SP8: variants seen among roughly 807,000 people sequenced by gnomAD.
SP8 encodes Sp8 transcription factor.
SP8 carries 7 observed loss-of-function variants against 15.3 expected under a neutral mutation model. The observed-to-expected ratio is 0.46, with a 90% CI of 0.26 to 0.86. The LOEUF (loss-of-function observed/expected upper bound fraction) is 0.86. Among genes scored for constraint, SP8 ranks in the 40% least tolerant of loss-of-function variants. The pLI is 0.16. For missense variants in SP8, 731 were observed against 736.4 expected (o/e 0.99, Z 0.09); for synonymous variants, 415 against 356.3 (o/e 1.16, Z -1.86).
rs1050260212 is a variant in SP8 at position 20,786,442 on chromosome 7, C to T, written c.21+336G>A. On this transcript the variant is annotated intron_variant, in intron 1 of 1. Transcript: ENST00000418710. The surrounding 1 kb of genome is among the most constrained non-coding windows in gnomAD (Gnocchi z 4.4). ...TTTTAAGGGTTAGGGGAAGAATCTG[C>T]ACTTTGCCCAGAAGGAAAAACTTGC... 6.6e-5 allele frequency among the ~76,000 whole-genome samples: 10 copies of T among 152,068 alleles called. No individual in the cohort carries two copies. The highest frequency in any genetic ancestry group is 6.5e-4 in the Admixed American group (10 of 15,280).
Position 20,784,448 on chromosome 7 carries a change from T to G in SP8, c.1369A>C (p.Ser457Arg). 1 of 1,541,866 alleles carries G rather than the reference T, an allele frequency of 6.5e-7. No individual in the cohort carries two copies. Among genetic ancestry groups the G allele is most frequent in the Non-Finnish European group, 8.7e-7 (1 of 1,145,406 alleles). The part of the protein sequence containing the change: ...DHLSKHVKTH[S>R]GGGGGGGSAG... ...GAGCCGCCGCCGCCGCCGCCGCCAC[T>G]GTGCGTCTTCACGTGCTTGCTGAGG... Residue 457 changes from serine (S) to arginine (R), a missense_variant, in exon 2 of 2, where the codon AGT becomes CGT. Ser to Arg is a moderately radical substitution (Grantham distance 110). Coordinates refer to ENST00000418710, the MANE Select transcript of SP8 (RefSeq NM_182700.6).
At position 20,784,319 on chromosome 7, in the gene SP8, C is replaced by CG. The variant is rs1372781486; in HGVS notation, c.1497dup (p.Glu500ArgfsTer66). 4 of 1,499,884 alleles carry CG rather than the reference C, an allele frequency of 2.7e-6. No homozygotes were observed. Among genetic ancestry groups the CG allele is most frequent in the Non-Finnish European group, 3.5e-6 (4 of 1,131,906 alleles). 92.9% of individuals were successfully genotyped at this position (1,499,884 alleles called of 1,614,324 possible). A position where few individuals can be genotyped will look rare whatever the true frequency, so the allele number is the denominator to read the frequency against. Reference sequence around the variant, plus strand: ...TCTAGGCCGTTGCGGTGCCCGGGCTCGGGGGGCTGCAGCAGCTCTGGGGAG... The same window carrying CG: ...TCTAGGCCGTTGCGGTGCCCGGGCTCGGGGGGGCTGCAGCAGCTCTGGGGAG... On this transcript the variant is annotated frameshift_variant, in exon 2 of 2. Coordinates refer to ENST00000418710, the MANE Select transcript of SP8 (RefSeq NM_182700.6). LOFTEE classifies it high-confidence loss of function.
chr7:20,785,474 C>T lies in SP8; in HGVS notation c.343G>A (p.Ala115Thr). 4.0e-6 allele frequency: 5 copies of T among 1,244,062 alleles called. No homozygotes were observed. The highest frequency in any genetic ancestry group is 5.1e-6 in the Non-Finnish European group (5 of 984,778). 77.1% of individuals were successfully genotyped at this position (1,244,062 alleles called of 1,614,324 possible). A position where few individuals can be genotyped will look rare whatever the true frequency, so the allele number is the denominator to read the frequency against. The change falls in exon 2 of 2, where the codon GCC becomes ACC. Residue 115 changes from alanine (A) to threonine (T), a missense_variant. Physicochemically the swap from Ala to Thr is moderately conservative, Grantham distance 58 (BLOSUM62 0). Coordinates refer to ENST00000418710, the MANE Select transcript of SP8 (RefSeq NM_182700.6). The surrounding 1 kb of genome is among the most constrained non-coding windows in gnomAD (Gnocchi z 7.2). ...GCGCTGCTGGAGGTGAGGGAGAAGGCGCTGGAGCCAGGCGAGCCGCCGCAG... is the reference window on the plus strand; with the variant it reads ...GCGCTGCTGGAGGTGAGGGAGAAGGTGCTGGAGCCAGGCGAGCCGCCGCAG... Reference protein sequence around the residue: ...FSCGGSPGSSAFSLTSSSAAA... With the variant: ...FSCGGSPGSSTFSLTSSSAAA...
At position 20,786,155 on chromosome 7, in the gene SP8, T is replaced by C; in HGVS notation, c.22-360A>G. 4.2e-6 allele frequency: 2 copies of C among 476,930 alleles called. No homozygotes were observed. Among genetic ancestry groups the C allele is most frequent in the Non-Finnish European group, 5.7e-6 (2 of 349,750 alleles). 29.5% of individuals were successfully genotyped at this position (476,930 alleles called of 1,614,324 possible). A position where few individuals can be genotyped will look rare whatever the true frequency, so the allele number is the denominator to read the frequency against. On this transcript the variant is annotated intron_variant, in intron 1 of 1. Transcript: ENST00000418710. The surrounding 1 kb of genome is among the most constrained non-coding windows in gnomAD (Gnocchi z 4.4). ...AAGTCCAGATTGGAGAGGAAGGAAG[T>C]TTTCTTTGCCGAGAAGCCTGGGGGA...
In SP8 at chr7:20,785,052, G is replaced by A. The variant is rs1471070775; in HGVS notation, c.765C>T (p.Ala255=). The A allele has an allele frequency of 3.2e-6, 5 of 1,578,328 alleles. No individual in the cohort carries two copies. The highest frequency in any genetic ancestry group is 4.3e-6 in the Non-Finnish European group (5 of 1,167,392). ...AGTGCAGCGAGGTTTGGAGCCCCCCGGCGGCAGGGTGCAGCGAGCCGGGCA... is the reference window on the plus strand; with the variant it reads ...AGTGCAGCGAGGTTTGGAGCCCCCCAGCGGCAGGGTGCAGCGAGCCGGGCA... ...AALPGSLHPA[A]GGLQTSLHSP... The change falls in exon 2 of 2, where the codon GCC becomes GCT. Residue 255 remains alanine (A), a synonymous_variant. Coordinates refer to ENST00000418710, the MANE Select transcript of SP8 (RefSeq NM_182700.6). This position sits in a 1 kb window ranked among gnomAD's most constrained non-coding sequence, Gnocchi z 7.2.
At position 20,786,617 on chromosome 7, in the gene SP8, C is replaced by A. The variant is rs1468304498; in HGVS notation, c.21+161G>T. ...AAAGTGACTCTGCCCCCTTCTCCCC[C>A]TTTTTCTTTTCTCCAAACTCACTTG... On this transcript the variant is annotated intron_variant, in intron 1 of 1. Transcript: ENST00000418710. This position sits in a 1 kb window ranked among gnomAD's most constrained non-coding sequence, Gnocchi z 4.4. 6.6e-6 allele frequency among the ~76,000 whole-genome samples: 1 copy of A among 151,766 alleles called. No individual in the cohort carries two copies. The highest frequency in any genetic ancestry group is 2.4e-5 in the African/African-American group (1 of 41,264).
Position 20,785,427 on chromosome 7 carries a change from G to A in SP8, c.390C>T (p.Ala130=), listed in dbSNP as rs1411137992. The A allele has an allele frequency of 3.8e-6, 4 of 1,047,442 alleles. No homozygotes were observed. The highest frequency in any genetic ancestry group is 3.5e-6 in the Non-Finnish European group (3 of 849,618). 64.9% of individuals were successfully genotyped at this position (1,047,442 alleles called of 1,614,324 possible). A position where few individuals can be genotyped will look rare whatever the true frequency, so the allele number is the denominator to read the frequency against. ...AGGGCGAGCTGGAGGCGGCGGCTGCGGCGGCGGCGGCGGCGGCTGCGGCGC... is the reference window on the plus strand; with the variant it reads ...AGGGCGAGCTGGAGGCGGCGGCTGCAGCGGCGGCGGCGGCGGCTGCGGCGC... The part of the protein sequence containing the change: ...SSSAAAAAAA[A]AAAASSSPFA... Residue 130 remains alanine (A), a synonymous_variant, in exon 2 of 2, where the codon GCC becomes GCT. Coordinates refer to ENST00000418710, the MANE Select transcript of SP8 (RefSeq NM_182700.6). This position sits in a 1 kb window ranked among gnomAD's most constrained non-coding sequence, Gnocchi z 7.2.
In SP8 at chr7:20,786,871, A is replaced by T; in HGVS notation, c.-73T>A. On this transcript the variant is annotated 5_prime_UTR_variant, in exon 1 of 2. Coordinates refer to ENST00000418710, the MANE Select transcript of SP8 (RefSeq NM_182700.6). This position sits in a 1 kb window ranked among gnomAD's most constrained non-coding sequence, Gnocchi z 4.4. The stretch of plus-strand genomic sequence containing the variant: ...AAATCAGAGGCAGTGTTTTTTTTAG[A>T]GGTGTGCAATACAATGATCAGTTCC... The T allele has an allele frequency of 8.1e-7, 1 of 1,235,832 alleles. No individual in the cohort carries two copies. Among genetic ancestry groups the T allele is most frequent in the Non-Finnish European group, 1.2e-6 (1 of 834,382 alleles). 76.6% of individuals were successfully genotyped at this position (1,235,832 alleles called of 1,614,324 possible). A position where few individuals can be genotyped will look rare whatever the true frequency, so the allele number is the denominator to read the frequency against.
rs1311260835 is a variant in SP8, at chr7:20,783,883, C to G, written c.*407G>C. The G allele has an allele frequency of 5.8e-6, 1 of 173,514 alleles. No homozygotes were observed. The highest frequency in any genetic ancestry group is 2.4e-5 in the African/African-American group (1 of 42,114). 10.7% of individuals were successfully genotyped at this position (173,514 alleles called of 1,614,324 possible). A position where few individuals can be genotyped will look rare whatever the true frequency, so the allele number is the denominator to read the frequency against. ...CCGAGCCGCTCCTGCCCGCGCGAGG[C>G]CCGCTGTCTACCAGGCACTGGATTA... On this transcript the variant is annotated 3_prime_UTR_variant, in exon 2 of 2. Coordinates refer to ENST00000418710, the MANE Select transcript of SP8 (RefSeq NM_182700.6).
In SP8 at chr7:20,786,677, G is replaced by C; in HGVS notation, c.21+101C>G. The C allele has an allele frequency of 1.1e-6, 1 of 943,444 alleles. No homozygotes were observed. The allele number at this position is 943,444 out of a possible 1,614,324, so 58.4% of individuals were successfully genotyped here. On this transcript the variant is annotated intron_variant, in intron 1 of 1. Coordinates refer to ENST00000418710, the MANE Select transcript of SP8 (RefSeq NM_182700.6). This position sits in a 1 kb window ranked among gnomAD's most constrained non-coding sequence, Gnocchi z 4.4. ...AAAAAAAAAAAAAGCTCTCAATAGA[G>C]AGACTGATAGCCCGTGGCCTGGCCG... is the stretch of plus-strand genomic sequence containing the variant.
rs1360304654 is a variant in SP8 at position 20,784,347 on chromosome 7, G to A, written c.1470C>T (p.Cys490=). The A allele has an allele frequency of 2.0e-6, 3 of 1,519,694 alleles. No homozygotes were observed. In the East Asian group the frequency reaches 7.6e-5, roughly 39 times the overall value. 94.1% of individuals were successfully genotyped at this position (1,519,694 alleles called of 1,614,324 possible). ...SEHSAAGSPP[C]HSPELLQPPE... ...GGGGCTGCAGCAGCTCTGGGGAGTG[G>A]CAGGGCGGGCTGCCCGCGGCGCTGT... Residue 490 remains cysteine (C), a synonymous_variant, in exon 2 of 2, where the codon TGC becomes TGT. Coordinates refer to ENST00000418710, the MANE Select transcript of SP8 (RefSeq NM_182700.6).
rs1209099800 is a variant in SP8, at chr7:20,785,009, T to C, written c.808A>G (p.Asn270Asp). Residue 270 changes from asparagine to aspartate, a missense_variant, in exon 2 of 2, where the codon AAC becomes GAC. Around this residue, in one of 3 missense-constraint regions of SP8, gnomAD observed 586 missense variants for 524.9 expected, o/e 1.12. Coordinates refer to ENST00000418710, the MANE Select transcript of SP8 (RefSeq NM_182700.6). This position sits in a 1 kb window ranked among gnomAD's most constrained non-coding sequence, Gnocchi z 7.2. Reference sequence around the variant, plus strand: ...TGACTCAGGCCCGAGTAATCCGAGTTGTAGCCTCCGAGCGGCGAGTGCAGC... The same window carrying C: ...TGACTCAGGCCCGAGTAATCCGAGTCGTAGCCTCCGAGCGGCGAGTGCAGC... ...TSLHSPLGGY[N>D]SDYSGLSHSA... is the part of the protein sequence containing the mutation. 1 of 1,575,062 alleles carries C rather than the reference T, an allele frequency of 6.3e-7. No individual in the cohort carries two copies.
Position 20,786,704 on chromosome 7 carries a change from G to A in SP8, c.21+74C>T. ...GACTGATAGCCCGTGGCCTGGCCGGGGCGACTTTAACCCCCTCCAATCGGC... is the reference window on the plus strand; with the variant it reads ...GACTGATAGCCCGTGGCCTGGCCGGAGCGACTTTAACCCCCTCCAATCGGC... On this transcript the variant is annotated intron_variant, in intron 1 of 1. Transcript: ENST00000418710. The surrounding 1 kb of genome is among the most constrained non-coding windows in gnomAD (Gnocchi z 4.4). 5 of 1,347,190 alleles carry A rather than the reference G, an allele frequency of 3.7e-6. No homozygotes were observed. The highest frequency in any genetic ancestry group is 5.3e-6 in the Non-Finnish European group (5 of 936,540). 83.5% of individuals were successfully genotyped at this position (1,347,190 alleles called of 1,614,324 possible).
rs760019156 is a variant in SP8, at chr7:20,784,770, G to A, written c.1047C>T (p.Thr349=). 9 of 1,559,208 alleles carry A rather than the reference G, an allele frequency of 5.8e-6. No homozygotes were observed. The African/African-American group carries it at 1.1e-4, about 19-fold the overall frequency. The change falls in exon 2 of 2, where the codon ACC becomes ACT. Residue 349 remains threonine (T), a synonymous_variant. Transcript: ENST00000418710. ...CCTCCTGGCAGTTGGGGCAGTCGCA[G>A]GTGGCGCGGCCGGAGTAGCGGCGAG... ...SSARRYSGRA[T]CDCPNCQEAE... is the part of the protein sequence containing the mutation.
rs1562607154 is a variant in SP8, at chr7:20,785,526, GGCAGCCGCGGCTGCTGCC to G, written c.273_290del (p.Ala94_Ala99del). ...TGAACGAGTCGGACACCAGGGCCGC[GGCAGCCGCGGCTGCTGCC>G]GCGGCCGCCGCAGCCGCCGAGGACG... On this transcript the variant is annotated inframe_deletion, in exon 2 of 2. Coordinates refer to ENST00000418710, the MANE Select transcript of SP8 (RefSeq NM_182700.6). The surrounding 1 kb of genome is among the most constrained non-coding windows in gnomAD (Gnocchi z 7.2). 7.0e-7 allele frequency: 1 copy of G among 1,423,764 alleles called. No homozygotes were observed. The allele number at this position is 1,423,764 out of a possible 1,614,324, so 88.2% of individuals were successfully genotyped here.
chr7:20,785,639 C>A lies in SP8; in HGVS notation c.178G>T (p.Ala60Ser). 1 of 1,611,514 alleles carries A rather than the reference C, an allele frequency of 6.2e-7. No individual in the cohort carries two copies. Among genetic ancestry groups the A allele is most frequent in the East Asian group, 2.2e-5 (1 of 44,620 alleles). ...CTGGAACCCACTACGTTGCAGCTGG[C>A]GGAAGAAGAGGACGAGGAGCGTTTC... ...PWKRSSSSSSASCNVVGSSLS... is the reference protein window; with the variant it reads ...PWKRSSSSSSSSCNVVGSSLS... Residue 60 changes from alanine to serine, a missense_variant, in exon 2 of 2, where the codon GCC becomes TCC. By Grantham distance (99) the Ala-to-Ser change is moderately conservative. Coordinates refer to ENST00000418710, the MANE Select transcript of SP8 (RefSeq NM_182700.6). This position sits in a 1 kb window ranked among gnomAD's most constrained non-coding sequence, Gnocchi z 7.2.
chr7:20,784,425 G>T lies in SP8; in HGVS notation c.1392C>A (p.Gly464=). The change falls in exon 2 of 2, where the codon GGC becomes GGA. Residue 464 remains glycine, a synonymous_variant. Transcript: ENST00000418710. The part of the protein sequence containing the change: ...KTHSGGGGGG[G]SAGSGSGGKK... The stretch of plus-strand genomic sequence containing the variant: ...TGCCGCCGCTGCCCGAGCCCGCCGA[G>T]CCGCCGCCGCCGCCGCCGCCACTGT... 1 of 1,508,626 alleles carries T rather than the reference G, an allele frequency of 6.6e-7. No homozygotes were observed. 93.5% of individuals were successfully genotyped at this position (1,508,626 alleles called of 1,614,324 possible).
Position 20,783,647 on chromosome 7 carries a change from ACT to A in SP8, c.*641_*642del, listed in dbSNP as rs1166278995. 1.1e-5 allele frequency: 1 copy of A among 93,810 alleles called. No homozygotes were observed. The highest frequency in any genetic ancestry group is 2.1e-5 in the Non-Finnish European group (1 of 46,818). The allele number at this position is 93,810 out of a possible 1,614,324, so 5.8% of individuals were successfully genotyped here. A position where few individuals can be genotyped will look rare whatever the true frequency, so the allele number is the denominator to read the frequency against. ...ACATTGGGAGATCTAAACTCTACAA[ACT>A]CTGGGTCTCGGGCTGCCAAAAGTCA... On this transcript the variant is annotated 3_prime_UTR_variant, in exon 2 of 2. Transcript: ENST00000418710.
In SP8 at chr7:20,784,794, A is replaced by T; in HGVS notation, c.1023T>A (p.Ala341=). 1 of 1,534,788 alleles carries T rather than the reference A, an allele frequency of 6.5e-7. No homozygotes were observed. Among genetic ancestry groups the T allele is most frequent in the Non-Finnish European group, 8.7e-7 (1 of 1,147,340 alleles). ...APLGGSPRSS[A]RRYSGRATCD... ...AGGTGGCGCGGCCGGAGTAGCGGCGAGCTGAGGAGCGCGGGGAGCCCCCCA... is the reference window on the plus strand; with the variant it reads ...AGGTGGCGCGGCCGGAGTAGCGGCGTGCTGAGGAGCGCGGGGAGCCCCCCA... Residue 341 remains alanine, a synonymous_variant, in exon 2 of 2, where the codon GCT becomes GCA. Transcript: ENST00000418710.
Sources: allele counts gnomAD v4.1 joint callset (sites outside exome capture counted in the v4.1 genomes callset), GRCh38; gene constraint gnomAD v4.1.1; regional missense constraint gnomAD v4.1.1; non-coding constraint Gnocchi (gnomAD v3.1); transcripts MANE v1.5; gene names NCBI Gene and HGNC (gene_info 2026-07-23, HGNC 2026-07-21).